The following TLN2 variants were observed in gnomAD, a reference collection of about 807,000 sequenced individuals.
TLN2 encodes the protein talin 2.
Under a neutral mutation model 294.7 loss-of-function variants are expected in TLN2, and 118 were observed. That is an observed-to-expected ratio of 0.40 (90% CI 0.34 to 0.47). TLN2 has a LOEUF of 0.47. TLN2 is among the 20% of genes least tolerant of loss of function. TLN2 has a pLI of 0.84. For missense variants in TLN2, 3,083 were observed against 3,282.2 expected, an observed-to-expected ratio of 0.94 and a Z score of 1.48; for synonymous variants, 1,431 against 1,304.5, an observed-to-expected ratio of 1.10 and a Z score of -2.09.
chr15:62,779,165 T>C (rs1342086022), intron 43 of TLN2, among the ~76,000 whole-genome samples: 1 of 152,214 alleles, frequency 6.6e-6, no homozygotes, highest in Non-Finnish European at 1.5e-5. Flanking sequence ...TCTTTGAGAT[T>C]CTCTCTCGTC....
rs115872935 is a variant in TLN2, at chr15:62,749,133, G to T, written c.4119+689G>T. On this transcript the variant is annotated intron_variant, in intron 33 of 58. Transcript: ENST00000636159. ...CCAGACGAGTATCTCAGTAGATGTG[G>T]GTTGGTTGTCCCAAGGAACGTTCCA... is the stretch of plus-strand genomic sequence containing the variant. Among the ~76,000 whole-genome samples, 279 of 152,326 alleles carry T rather than the reference G, an allele frequency of 1.8e-3. 1 individual carries two copies. The highest frequency in any genetic ancestry group is 6.3e-3 in the African/African-American group (262 of 41,568).
At chr15:62,506,767 AT>A in intron 1 of TLN2, among the ~76,000 whole-genome samples, 1 of 152,368 alleles carries the variant, frequency 6.6e-6, no homozygotes, top group Non-Finnish European at 1.5e-5. Flanking sequence ...AAAACAGCTG[AT>A]TCCACTCTTG....
At chr15:62,573,084 AAAGCCTTCCCTTCC>A (rs2140650979) in intron 1 of TLN2, among the ~76,000 whole-genome samples, 1 of 152,248 alleles carries the variant, frequency 6.6e-6, no homozygotes, top group African/African-American at 2.4e-5. Context: ...CCTGTCTGTA[AAAGCCTTCCCTTCC>A]AATCAGCATC....
At chr15:62,647,051 C>A (rs943530963) in intron 3 of TLN2, among the ~76,000 whole-genome samples, 1 of 152,216 alleles carries the variant, frequency 6.6e-6, no homozygotes, top group Non-Finnish European at 1.5e-5. Flanking sequence ...ACTTGTCACC[C>A]TGTAGTAATA....
chr15:62,807,744 T>C (rs867682491), intron 51 of TLN2, among the ~76,000 whole-genome samples: 1 of 152,152 alleles, frequency 6.6e-6, no homozygotes, highest in South Asian at 2.1e-4. Context: ...GGATGCGTTA[T>C]CTGGGCATTG....
chr15:62,647,635 G>C (rs943997861), intron 4 of TLN2, among the ~76,000 whole-genome samples, 189 bp downstream of exon 4: 4 of 152,182 alleles, frequency 2.6e-5, no homozygotes, highest in African/African-American at 9.7e-5. Context: ...CATGCCCACT[G>C]CTGAGTCATC....
At chr15:62,433,227 G>T (rs2035105895) in intron 1 of TLN2, among the ~76,000 whole-genome samples, 1 of 152,084 alleles carries the variant, frequency 6.6e-6, no homozygotes, top group South Asian at 2.1e-4. Context: ...ACCTATACCT[G>T]TTGCTGGCCA....
intron 1 of TLN2, among the ~76,000 whole-genome samples, chr15:62,582,814 G>A (rs915854658): frequency 6.6e-6 from 1 of 152,170 alleles, no homozygotes; most frequent in African/African-American, 2.4e-5. Context: ...CTGGCAAGCA[G>A]GTGGGCCTGG....
chr15:62,605,992 C>T lies in TLN2; in HGVS notation c.-161-12359C>T, dbSNP rs1009734588. On this transcript the variant is annotated intron_variant, in intron 2 of 58. Transcript: ENST00000636159. ...CTTGTCTAGAGGTAGTAGTGTTACA[C>T]CAGTGTCACTAGTTAAGTAGTGTTA... Among the ~76,000 whole-genome samples the T allele has an allele frequency of 1.4e-4, 21 of 152,284 alleles. No individual in the cohort carries two copies. The East Asian group carries it at 3.9e-3, about 28-fold the overall frequency.
chr15:62,833,642 G>T lies in TLN2; in HGVS notation c.7128+13G>T, dbSNP rs150035154. 2.0e-4 allele frequency: 329 copies of T among 1,612,862 alleles called. No individual in the cohort carries two copies. In the African/African-American group the frequency reaches 3.5e-3, roughly 17 times the overall value. ...GGCCCAAGGAAAGGTGGGTAAAGCCGCTGACCACATGCGGGACACTCAACG... is the reference window on the plus strand; with the variant it reads ...GGCCCAAGGAAAGGTGGGTAAAGCCTCTGACCACATGCGGGACACTCAACG... On this transcript the variant is annotated intron_variant, in intron 55 of 58. Transcript: ENST00000636159.
At chr15:62,681,906 C>T (rs1000510964) in intron 11 of TLN2, among the ~76,000 whole-genome samples, 4 of 152,170 alleles carry the variant, frequency 2.6e-5, no homozygotes, top group African/African-American at 9.7e-5. Context: ...GCACGTGCCA[C>T]CACGCCCAGC....
chr15:62,562,827 A>G (rs1251961324), intron 1 of TLN2, among the ~76,000 whole-genome samples: 1 of 151,590 alleles, frequency 6.6e-6, no homozygotes, highest in Non-Finnish European at 1.5e-5. Context: ...TGCTTCATTT[A>G]GAATAATAGT....
intron 25 of TLN2, among the ~76,000 whole-genome samples, chr15:62,720,648 GGTGT>G (rs5813167): frequency 0.45 from 67,691 of 148,986 alleles, 16,262 homozygotes; most frequent in Middle Eastern, 0.56. Context: ...ATACAACACA[GGTGT>G]GTGTGTGTGT....
chr15:62,764,102 A>G (rs1353258436), intron 40 of TLN2, among the ~76,000 whole-genome samples: 1 of 152,196 alleles, frequency 6.6e-6, no homozygotes, highest in Non-Finnish European at 1.5e-5. Flanking sequence ...TGGCCAATTC[A>G]GCATTAAACG....
intron 28 of TLN2, 56 bp downstream of exon 28, chr15:62,727,245 G>C (rs959310951): frequency 1.7e-5 from 26 of 1,488,792 alleles, no homozygotes; most frequent in African/African-American, 4.2e-5. Context: ...TGGGTGTAGT[G>C]GGGGAGGAGG....
At chr15:62,425,473 G>A (rs1206878007) in intron 1 of TLN2, among the ~76,000 whole-genome samples, 1 of 152,202 alleles carries the variant, frequency 6.6e-6, no homozygotes. Flanking sequence ...ACTTCAGTGG[G>A]ATCCTGTCAT....
intron 1 of TLN2, among the ~76,000 whole-genome samples, chr15:62,432,516 T>C (rs1268061084): frequency 6.6e-6 from 1 of 152,236 alleles, no homozygotes; most frequent in Non-Finnish European, 1.5e-5. Context: ...CATTGGGGAT[T>C]GTTTCTAACA....
intron 1 of TLN2, among the ~76,000 whole-genome samples, chr15:62,523,660 G>A (rs746414880): frequency 1.1e-4 from 17 of 152,158 alleles, no homozygotes; most frequent in Non-Finnish European, 1.8e-4. Flanking sequence ...ATAAATAATA[G>A]AGAATAACTA....
At chr15:62,676,335 C>T (rs1475423841) in intron 11 of TLN2, among the ~76,000 whole-genome samples, 1 of 152,178 alleles carries the variant, frequency 6.6e-6, no homozygotes, top group South Asian at 2.1e-4. Context: ...ACCAAACTAG[C>T]TCTCAGTTTT....
Sources: gnomAD v4.1 joint callset for allele counts (sites outside exome capture counted in the v4.1 genomes callset) on GRCh38, gnomAD v4.1.1 for gene constraint, MANE v1.5 for transcripts, NCBI Gene and HGNC (gene_info 2026-07-23, HGNC 2026-07-21) for gene names.